CADM2: variants seen among roughly 807,000 people sequenced by gnomAD.
CADM2 encodes immunoglobulin superfamily member 4D.
Under a neutral mutation model 49.8 loss-of-function variants are expected in CADM2, and 12 were observed. The ratio of observed to expected loss-of-function variants is 0.24; its 90% CI spans 0.15 to 0.39. The LOEUF is 0.39. Among genes scored for constraint, CADM2 ranks in the 10% least tolerant of loss-of-function variants. The pLI is 1.00. For missense variants in CADM2, 378 were observed against 492.3 expected (o/e 0.77, Z 2.20); for synonymous variants, 214 against 175.4 (o/e 1.22, Z -1.74).
intron 2 of CADM2, among the ~76,000 whole-genome samples, chr3:85,772,883 GT>G (rs11326310): frequency 0.16 from 22,925 of 140,434 alleles, 2,136 homozygotes; most frequent in African/African-American, 0.28. Context: ...TTCATTTCCA[GT>G]TTTTTTTTTT....
At chr3:85,926,937 A>G (rs921501635) in intron 6 of CADM2, among the ~76,000 whole-genome samples, 22 of 152,164 alleles carry the variant, frequency 1.4e-4, no homozygotes, top group African/African-American at 5.1e-4. Flanking sequence ...AAAAGAGACT[A>G]GAAAACACAA....
chr3:85,064,020 A>C (rs949239299), intron 1 of CADM2, among the ~76,000 whole-genome samples: 3 of 152,056 alleles, frequency 2.0e-5, no homozygotes, highest in Non-Finnish European at 4.4e-5. Flanking sequence ...TGTGTAGAGA[A>C]ATGACAAGAC....
intron 1 of CADM2, among the ~76,000 whole-genome samples, chr3:85,394,244 T>C (rs2034662405): frequency 6.6e-6 from 1 of 152,206 alleles, no homozygotes; most frequent in Non-Finnish European, 1.5e-5. Context: ...ATTCCAGAGG[T>C]ATAAATTACT....
At chr3:85,881,301 A>T (rs560654555) in intron 3 of CADM2, among the ~76,000 whole-genome samples, 6 of 152,162 alleles carry the variant, frequency 3.9e-5, no homozygotes, top group African/African-American at 1.4e-4. Flanking sequence ...TGTCAAGATC[A>T]TTAGTAATTG....
intron 8 of CADM2, among the ~76,000 whole-genome samples, chr3:86,044,124 G>A (rs1036423315): frequency 6.6e-6 from 1 of 152,146 alleles, no homozygotes; most frequent in Non-Finnish European, 1.5e-5. Flanking sequence ...GAAAACCTAA[G>A]CAATACCATT....
intron 1 of CADM2, among the ~76,000 whole-genome samples, chr3:85,710,203 T>G (rs757206324): frequency 5.9e-5 from 9 of 152,140 alleles, no homozygotes; most frequent in Non-Finnish European, 1.2e-4. Context: ...CTAAAAGACC[T>G]CCTTCCTCCA....
intron 1 of CADM2, among the ~76,000 whole-genome samples, chr3:85,453,614 A>T (rs189365105): frequency 6.6e-5 from 10 of 152,282 alleles, no homozygotes; most frequent in Non-Finnish European, 1.3e-4. Flanking sequence ...CTTTGTTTAA[A>T]TAATAATGAC....
At chr3:85,216,296 A>G (rs1284349676) in intron 1 of CADM2, among the ~76,000 whole-genome samples, 1 of 146,822 alleles carries the variant, frequency 6.8e-6, no homozygotes, top group Non-Finnish European at 1.5e-5. Flanking sequence ...TATATTTAAT[A>G]TATTTATATA....
chr3:85,955,638 G>T (rs960699694), intron 7 of CADM2, among the ~76,000 whole-genome samples: 11 of 151,372 alleles, frequency 7.3e-5, no homozygotes, highest in Admixed American at 6.6e-4. Flanking sequence ...ACAAATTAAA[G>T]AATTTCACTG....
intron 6 of CADM2, among the ~76,000 whole-genome samples, chr3:85,914,799 C>T (rs143999258): frequency 1.2e-3 from 178 of 152,190 alleles, no homozygotes; most frequent in African/African-American, 4.2e-3. Flanking sequence ...GGGCTTGTGC[C>T]GGCTATTCTA....
intron 1 of CADM2, among the ~76,000 whole-genome samples, chr3:85,089,096 A>C (rs2037496490): frequency 6.6e-6 from 1 of 152,126 alleles, no homozygotes; most frequent in African/African-American, 2.4e-5. Flanking sequence ...AATTATATTA[A>C]ATAACTATTA....
intron 1 of CADM2, among the ~76,000 whole-genome samples, chr3:85,243,111 G>C (rs2042567984): frequency 6.6e-6 from 1 of 151,752 alleles, no homozygotes. Flanking sequence ...TAATTAAAGA[G>C]ACATTTGAAA....
chr3:85,764,886 C>T (rs556609799), intron 2 of CADM2, among the ~76,000 whole-genome samples: 4 of 151,934 alleles, frequency 2.6e-5, no homozygotes, highest in Non-Finnish European at 4.4e-5. Flanking sequence ...AAACCAAGGT[C>T]GGGGAAGTTA....
intron 8 of CADM2, among the ~76,000 whole-genome samples, chr3:85,967,210 T>C (rs543179942): frequency 2.0e-5 from 3 of 151,790 alleles, no homozygotes; most frequent in African/African-American, 7.2e-5. Context: ...AGACTGTAGG[T>C]AAACACAGGT....
At chr3:85,442,870 C>T (rs947366867) in intron 1 of CADM2, among the ~76,000 whole-genome samples, 5 of 151,346 alleles carry the variant, frequency 3.3e-5, no homozygotes, top group African/African-American at 9.7e-5. Context: ...TCAGGAATCT[C>T]GTGGATTTAG....
chr3:85,633,585 A>C (rs2064373827), intron 1 of CADM2, among the ~76,000 whole-genome samples: 1 of 152,028 alleles, frequency 6.6e-6, no homozygotes, highest in Admixed American at 6.6e-5. Context: ...AGTTTTCTTA[A>C]AATTCAAACA....
chr3:85,997,593 G>A (rs1168365043), intron 8 of CADM2, among the ~76,000 whole-genome samples: 2 of 152,054 alleles, frequency 1.3e-5, no homozygotes, highest in Non-Finnish European at 2.9e-5. Flanking sequence ...TTAGTAAAGT[G>A]AATTTTTTAT....
At chr3:85,296,688 T>A (rs2043972809) in intron 1 of CADM2, among the ~76,000 whole-genome samples, 1 of 152,094 alleles carries the variant, frequency 6.6e-6, no homozygotes, top group South Asian at 2.1e-4. Context: ...CCAGCTTCAT[T>A]CTCATTATTC....
chr3:85,046,059 G>C (rs561348934), intron 1 of CADM2, among the ~76,000 whole-genome samples: 1 of 151,910 alleles, frequency 6.6e-6, no homozygotes, highest in East Asian at 1.9e-4. Context: ...TGTATGTAGC[G>C]GTTTATGCAC....
Sources: gnomAD v4.1 joint callset for allele counts (sites outside exome capture counted in the v4.1 genomes callset) on GRCh38, gnomAD v4.1.1 for gene constraint, MANE v1.5 for transcripts, NCBI Gene and HGNC (gene_info 2026-07-23, HGNC 2026-07-21) for gene names.